Variants in SRL observed in about 807,000 individuals in gnomAD.
SRL encodes the protein sarcalumenin.
In SRL, 23 loss-of-function variants were observed where a neutral mutation model predicts 39.5. That is an observed-to-expected ratio of 0.58 (90% CI 0.42 to 0.82). The LOEUF (loss-of-function observed/expected upper bound fraction) is 0.82. Among genes scored for constraint, SRL ranks in the 40% least tolerant of loss-of-function variants. The probability of loss-of-function intolerance (pLI) is 0.00; values close to 1 mark genes in which losing one functional copy is unlikely to be tolerated. For missense variants in SRL, 592 were observed against 607.8 expected (o/e 0.97, Z 0.27); for synonymous variants, 272 against 237.4 (o/e 1.15, Z -1.34).
At chr16:4,230,063 A>C (rs1418874089) in intron 1 of SRL, among the ~76,000 whole-genome samples, 2 of 151,250 alleles carry the variant, frequency 1.3e-5, no homozygotes, top group Admixed American at 6.6e-5. Flanking sequence ...TCAGAGACAC[A>C]CCCCCTAGGA....
rs1021479313 is a variant in SRL, at chr16:4,202,867, T to A, written c.259+299A>T. ...GGGATTGAAATAGGCATCATCGCCT[T>A]TGAAAACTCAAATGTGCATGACTGA... On this transcript the variant is annotated intron_variant, in intron 3 of 5. Coordinates refer to ENST00000399609, the MANE Select transcript of SRL (RefSeq NM_001098814.2). Among the ~76,000 whole-genome samples, 75 of 152,112 alleles carry A rather than the reference T, an allele frequency of 4.9e-4. 1 individual carries two copies. Among genetic ancestry groups the A allele is most frequent in the Admixed American group, 4.9e-3 (75 of 15,268 alleles).
intron 1 of SRL, among the ~76,000 whole-genome samples, chr16:4,210,475 A>G (rs2052378603): frequency 7.3e-6 from 1 of 136,466 alleles, no homozygotes. Flanking sequence ...TAAAATGAGT[A>G]TTACTCATAT....
intron 3 of SRL, among the ~76,000 whole-genome samples, chr16:4,198,262 C>G (rs1186973736): frequency 6.6e-6 from 1 of 152,292 alleles, no homozygotes; most frequent in African/African-American, 2.4e-5. Flanking sequence ...GAGGACGGAG[C>G]TTCCACATGG....
At position 4,190,010 on chromosome 16, in the gene SRL, C is replaced by T. The variant is rs1390682132; in HGVS notation, c.*2143G>A. 8 of 354,422 alleles carry T rather than the reference C, an allele frequency of 2.3e-5. No homozygotes were observed. Among genetic ancestry groups the T allele is most frequent in the Non-Finnish European group, 3.0e-5 (6 of 198,490 alleles). 22.0% of individuals were successfully genotyped at this position (354,422 alleles called of 1,614,324 possible). Reference sequence around the variant, plus strand: ...TGAGAAGAAAAGTCCAGGACAGATTCCATCTCATCAGCCCCTATCACAGGC... The same window carrying T: ...TGAGAAGAAAAGTCCAGGACAGATTTCATCTCATCAGCCCCTATCACAGGC... On this transcript the variant is annotated 3_prime_UTR_variant, in exon 6 of 6. Transcript: ENST00000399609.
intron 1 of SRL, among the ~76,000 whole-genome samples, chr16:4,216,234 A>G (rs192280628): frequency 5.6e-4 from 85 of 152,298 alleles, no homozygotes; most frequent in African/African-American, 1.9e-3. Flanking sequence ...AGTCATCAGT[A>G]TAAATGACTA....
chr16:4,224,652 A>G (rs2052567351), intron 1 of SRL, among the ~76,000 whole-genome samples: 1 of 151,966 alleles, frequency 6.6e-6, no homozygotes, highest in South Asian at 2.1e-4. Context: ...CGGAGTTTGC[A>G]GTGAGCGGAG....
intron 1 of SRL, among the ~76,000 whole-genome samples, chr16:4,230,844 A>C (rs1390903930): frequency 6.6e-6 from 1 of 152,168 alleles, no homozygotes; most frequent in African/African-American, 2.4e-5. Flanking sequence ...AGGCCACATG[A>C]TGACAGAGGC....
chr16:4,232,593 C>T (rs2052671691), intron 1 of SRL, among the ~76,000 whole-genome samples: 1 of 152,146 alleles, frequency 6.6e-6, no homozygotes, highest in Admixed American at 6.5e-5. Flanking sequence ...TCACCGCAGC[C>T]ATGACCTCCC....
rs1422482566 is a variant in SRL at position 4,199,698 on chromosome 16, T to C, written c.260-1783A>G. On this transcript the variant is annotated intron_variant, in intron 3 of 5. Coordinates refer to ENST00000399609, the MANE Select transcript of SRL (RefSeq NM_001098814.2). ...CCCCATCTTCTTTTCTTTTCCTTTT[T>C]TTTTTTTTTTTTTTTTGAGACAGAG... 9.5e-4 allele frequency among the ~76,000 whole-genome samples: 133 copies of C among 139,688 alleles called. 3 individuals are homozygous for C. The highest frequency in any genetic ancestry group is 3.6e-3 in the Middle Eastern group (1 of 274). 91.6% of individuals were successfully genotyped at this position (139,688 alleles called of 152,430 possible). A position where few individuals can be genotyped will look rare whatever the true frequency, so the allele number is the denominator to read the frequency against.
Position 4,192,519 on chromosome 16 carries a change from C to A in SRL, c.1056G>T (p.Gln352His), listed in dbSNP as rs1394463392. 1 of 1,614,072 alleles carries A rather than the reference C, an allele frequency of 6.2e-7. No homozygotes were observed. Among genetic ancestry groups the A allele is most frequent in the African/African-American group, 1.3e-5 (1 of 74,932 alleles). ...IHALLVDRYL[Q>H]TYKDKMTFFS... ...AGAAGGTCATTTTGTCCTTGTAAGT[C>A]TGCAGGTAGCGGTCAACCAGGAGGG... The change falls in exon 6 of 6, where the codon CAG becomes CAT. Residue 352 changes from glutamine to histidine, a missense_variant. Coordinates refer to ENST00000399609, the MANE Select transcript of SRL (RefSeq NM_001098814.2). The surrounding 1 kb of genome is among the most constrained non-coding windows in gnomAD (Gnocchi z 4.0).
rs1013996684 is a variant in SRL at position 4,224,113 on chromosome 16, C to T, written c.61+17894G>A. Reference sequence around the variant, plus strand: ...CAGTGATGGAACAGCCCTGGGACCCCGGGCATCTGGAGGAGGGAGAGGAGA... The same window carrying T: ...CAGTGATGGAACAGCCCTGGGACCCTGGGCATCTGGAGGAGGGAGAGGAGA... On this transcript the variant is annotated intron_variant, in intron 1 of 5. Coordinates refer to ENST00000399609, the MANE Select transcript of SRL (RefSeq NM_001098814.2). Among the ~76,000 whole-genome samples, 14 of 152,016 alleles carry T rather than the reference C, an allele frequency of 9.2e-5. No individual in the cohort carries two copies. The South Asian group carries it at 1.0e-3, about 11-fold the overall frequency.
intron 1 of SRL, among the ~76,000 whole-genome samples, chr16:4,239,922 T>G (rs548348374): frequency 6.6e-6 from 1 of 151,020 alleles, no homozygotes; most frequent in African/African-American, 2.5e-5. Flanking sequence ...CAGCAGCAGG[T>G]CGGGAGGTGG....
rs535877272 is a variant in SRL, at chr16:4,204,463, T to C, written c.163+70A>G. 1,501 of 1,411,628 alleles carry C rather than the reference T, an allele frequency of 1.1e-3. 1 individual carries two copies. Among genetic ancestry groups the C allele is most frequent in the Non-Finnish European group, 1.4e-3 (1,422 of 1,004,468 alleles). 87.4% of individuals were successfully genotyped at this position (1,411,628 alleles called of 1,614,324 possible). A position where few individuals can be genotyped will look rare whatever the true frequency, so the allele number is the denominator to read the frequency against. ...CGGCACGCCCTGGCTCTCAGGAGCC[T>C]CCAGGAGTCTGCCCGGGCCCTGGTG... On this transcript the variant is annotated intron_variant, in intron 2 of 5. Coordinates refer to ENST00000399609, the MANE Select transcript of SRL (RefSeq NM_001098814.2).
At position 4,191,145 on chromosome 16, in the gene SRL, T is replaced by A. The variant is rs2052057458; in HGVS notation, c.*1008A>T. ...ATACACCAACCAGTCCCCTCCTGGG[T>A]CCGATGAAGGGATCGAGCCCTCGAG... On this transcript the variant is annotated 3_prime_UTR_variant, in exon 6 of 6. Coordinates refer to ENST00000399609, the MANE Select transcript of SRL (RefSeq NM_001098814.2). 1 of 152,214 alleles carries A rather than the reference T, an allele frequency of 6.6e-6. No individual in the cohort carries two copies. The highest frequency in any genetic ancestry group is 6.5e-5 in the Admixed American group (1 of 15,274). The allele number at this position is 152,214 out of a possible 1,614,324, so 9.4% of individuals were successfully genotyped here.
chr16:4,214,531 A>AC (rs2052431775), intron 1 of SRL, among the ~76,000 whole-genome samples: 1 of 149,086 alleles, frequency 6.7e-6, no homozygotes, highest in African/African-American at 2.5e-5. Context: ...GCCCCCATCC[A>AC]CCCCCCGCCC....
chr16:4,206,372 A>C (rs975786330), intron 1 of SRL, among the ~76,000 whole-genome samples: 47 of 151,878 alleles, frequency 3.1e-4, no homozygotes, highest in African/African-American at 1.1e-3. Flanking sequence ...ACCCCCATCC[A>C]TTCCCTGCAC....
intron 1 of SRL, among the ~76,000 whole-genome samples, chr16:4,219,439 T>C (rs1352714010): frequency 6.6e-6 from 1 of 152,126 alleles, no homozygotes; most frequent in African/African-American, 2.4e-5. Context: ...GCCACAGTAG[T>C]GTCAGGCTGG....
intron 1 of SRL, among the ~76,000 whole-genome samples, chr16:4,224,817 A>G (rs907631662): frequency 2.6e-5 from 4 of 152,220 alleles, no homozygotes; most frequent in Non-Finnish European, 5.9e-5. Flanking sequence ...GTGATTCACA[A>G]TAGCCAAAAG....
chr16:4,214,151 A>G (rs963640099), intron 1 of SRL, among the ~76,000 whole-genome samples: 9 of 152,150 alleles, frequency 5.9e-5, no homozygotes, highest in Non-Finnish European at 2.9e-5. Flanking sequence ...GAAACTAGAG[A>G]TGGAGAGAAT....
Sources: allele counts gnomAD v4.1 joint callset (sites outside exome capture counted in the v4.1 genomes callset), GRCh38; gene constraint gnomAD v4.1.1; non-coding constraint Gnocchi (gnomAD v3.1); transcripts MANE v1.5; gene names NCBI Gene and HGNC (gene_info 2026-07-23, HGNC 2026-07-21).